Variants in CHST12 observed in about 807,000 individuals in gnomAD.
The protein encoded by CHST12 is carbohydrate sulfotransferase 12, also known as carbohydrate (chondroitin 4) sulfotransferase 12.
CHST12 carries 23 observed loss-of-function variants against 27.9 expected under a neutral mutation model. The ratio of observed to expected loss-of-function variants is 0.82; its 90% CI spans 0.59 to 1.17. The LOEUF (loss-of-function observed/expected upper bound fraction) is 1.17. CHST12 is among the 50% of genes most tolerant of loss of function. CHST12 has a pLI of 0.00. For synonymous variants in CHST12, 322 were observed against 273.0 expected (o/e 1.18, Z -1.77); for missense variants, 682 against 603.0 (o/e 1.13, Z -1.37).
chr7:2,422,699 C>A (rs1782010157), intron 1 of CHST12, among the ~76,000 whole-genome samples: 1 of 151,868 alleles, frequency 6.6e-6, no homozygotes, highest in Non-Finnish European at 1.5e-5. Context: ...CCACACCCAG[C>A]TAATTTTTGT....
At position 2,432,800 on chromosome 7, in the gene CHST12, C is replaced by G; in HGVS notation, c.161C>G (p.Pro54Arg). 6.2e-7 allele frequency: 1 copy of G among 1,613,744 alleles called. No individual in the cohort carries two copies. The highest frequency in any genetic ancestry group is 8.5e-7 in the Non-Finnish European group (1 of 1,179,830). ...HTGPPLPTPG[P>R]DRDRELTADS... ...GGGCCGCCGCTGCCCACGCCCGGGC[C>G]GGACAGGGACAGGGAGCTCACGGCC... The change falls in exon 2 of 2, where the codon CCG becomes CGG. Residue 54 changes from proline to arginine, a missense_variant. Coordinates refer to ENST00000618655, the MANE Select transcript of CHST12 (RefSeq NM_018641.5).
chr7:2,425,956 G>A (rs567498575), intron 1 of CHST12, among the ~76,000 whole-genome samples: 1 of 152,238 alleles, frequency 6.6e-6, no homozygotes, highest in African/African-American at 2.4e-5. Context: ...AGACGCTCTG[G>A]GGGAAGGGCC....
rs1782406454 is a variant in CHST12 at position 2,434,146 on chromosome 7, G to C, written c.*262G>C. 3.7e-6 allele frequency: 1 copy of C among 269,692 alleles called. No homozygotes were observed. Among genetic ancestry groups the C allele is most frequent in the African/African-American group, 3.2e-5 (1 of 31,714 alleles). The allele number at this position is 269,692 out of a possible 1,614,324, so 16.7% of individuals were successfully genotyped here. Reference sequence around the variant, plus strand: ...CCCGCTCGCCCGCTCGCCCGCTCCTGTGGTTTTTCTGAGCGTGCGGGCGCC... The same window carrying C: ...CCCGCTCGCCCGCTCGCCCGCTCCTCTGGTTTTTCTGAGCGTGCGGGCGCC... On this transcript the variant is annotated 3_prime_UTR_variant, in exon 2 of 2. Coordinates refer to ENST00000618655, the MANE Select transcript of CHST12 (RefSeq NM_018641.5).
At chr7:2,421,271 G>C (rs1393957572) in intron 1 of CHST12, among the ~76,000 whole-genome samples, 1 of 144,504 alleles carries the variant, frequency 6.9e-6, no homozygotes, top group African/African-American at 2.6e-5. Flanking sequence ...TGTAGAGAAG[G>C]GTCTTGGTAT....
At chr7:2,409,950 T>C (rs1781621398) in intron 1 of CHST12, among the ~76,000 whole-genome samples, 1 of 152,156 alleles carries the variant, frequency 6.6e-6, no homozygotes, top group Non-Finnish European at 1.5e-5. Flanking sequence ...CTGAGCACTT[T>C]TTTTTTTTTT....
chr7:2,419,968 C>CTTTTTTT (rs869252983), intron 1 of CHST12, among the ~76,000 whole-genome samples: 32 of 81,398 alleles, frequency 3.9e-4, no homozygotes, highest in East Asian at 4.5e-4. Context: ...AAATATTTGT[C>CTTTTTTT]TTTTTTTTTT....
rs1230096348 is a variant in CHST12, at chr7:2,438,554, TG to T, written c.*4671del. 2.0e-5 allele frequency: 3 copies of T among 152,242 alleles called. No homozygotes were observed. Among genetic ancestry groups the T allele is most frequent in the African/African-American group, 7.2e-5 (3 of 41,454 alleles). The allele number at this position is 152,242 out of a possible 1,614,324, so 9.4% of individuals were successfully genotyped here. ...ATGCCCATTATCCAGGGGTAATTTT[TG>T]CTCACTTATTTATAAGCCACACATC... On this transcript the variant is annotated 3_prime_UTR_variant, in exon 2 of 2. Coordinates refer to ENST00000618655, the MANE Select transcript of CHST12 (RefSeq NM_018641.5).
intron 1 of CHST12, among the ~76,000 whole-genome samples, chr7:2,408,312 A>G (rs1781574241): frequency 6.8e-6 from 1 of 146,278 alleles, no homozygotes; most frequent in South Asian, 2.2e-4. Context: ...CGGTAAGTGG[A>G]GATCATGCCA....
At chr7:2,432,532 G>C (rs562814984) in intron 1 of CHST12, 31 bp from the exon 2 acceptor site, 2 of 1,277,278 alleles carry the variant, frequency 1.6e-6, no homozygotes, top group South Asian at 2.9e-5. Context: ...GTGCACCTCA[G>C]TCATTAACTA....
intron 1 of CHST12, among the ~76,000 whole-genome samples, chr7:2,424,532 C>CCAG (rs1782056448): frequency 6.6e-6 from 1 of 152,112 alleles, no homozygotes; most frequent in African/African-American, 2.4e-5. Flanking sequence ...CGGAAGAAGT[C>CCAG]CAGGAGGGTC....
chr7:2,420,742 A>G (rs1248322069), intron 1 of CHST12, among the ~76,000 whole-genome samples: 1 of 152,124 alleles, frequency 6.6e-6, no homozygotes, highest in Admixed American at 6.6e-5. Flanking sequence ...GTTTGATGGC[A>G]CCACTGCACC....
intron 1 of CHST12, among the ~76,000 whole-genome samples, chr7:2,406,025 T>C (rs1781515454): frequency 6.6e-6 from 1 of 152,078 alleles, no homozygotes; most frequent in South Asian, 2.1e-4. Flanking sequence ...TCTCTTCTAG[T>C]GTGGGTCAGG....
At chr7:2,430,425 C>T (rs1448592002) in intron 1 of CHST12, among the ~76,000 whole-genome samples, 2 of 152,168 alleles carry the variant, frequency 1.3e-5, no homozygotes, top group East Asian at 1.9e-4. Context: ...AAGCGATTCT[C>T]CTGCCTCAGT....
rs556395587 is a variant in CHST12 at position 2,420,123 on chromosome 7, G to A, written c.-77-12440G>A. ...AGAGTAGCTGAGACTACAGGCGCCC[G>A]TCAGCATGCCCGGCTAATTTTTTGT... On this transcript the variant is annotated intron_variant, in intron 1 of 1. Transcript: ENST00000618655. 1.4e-3 allele frequency among the ~76,000 whole-genome samples: 219 copies of A among 151,818 alleles called. 1 individual carries two copies. Among genetic ancestry groups the A allele is most frequent in the African/African-American group, 5.1e-3 (212 of 41,388 alleles).
Position 2,440,238 on chromosome 7 carries a change from T to C in CHST12, c.*6354T>C. 6.5e-6 allele frequency: 1 copy of C among 154,370 alleles called. No individual in the cohort carries two copies. Among genetic ancestry groups the C allele is most frequent in the Middle Eastern group, 5.2e-4 (1 of 1,920 alleles). The allele number at this position is 154,370 out of a possible 1,614,324, so 9.6% of individuals were successfully genotyped here. A position where few individuals can be genotyped will look rare whatever the true frequency, so the allele number is the denominator to read the frequency against. On this transcript the variant is annotated 3_prime_UTR_variant, in exon 2 of 2. Coordinates refer to ENST00000618655, the MANE Select transcript of CHST12 (RefSeq NM_018641.5). The stretch of plus-strand genomic sequence containing the variant: ...CACTTGTCTGATGAGGATCTGTTGG[T>C]TGACTTTGACAGTGATAAACGAACA...
intron 1 of CHST12, among the ~76,000 whole-genome samples, chr7:2,416,807 G>C (rs1046839623): frequency 2.0e-5 from 3 of 152,166 alleles, no homozygotes; most frequent in Non-Finnish European, 4.4e-5. Context: ...ACATTTTTGT[G>C]AGGCTTTTAG....
At position 2,447,228 on chromosome 7, in the gene CHST12, T is replaced by C. The variant is rs80146221; in HGVS notation, c.*13344T>C. 17,003 of 152,216 alleles carry C rather than the reference T, an allele frequency of 0.11. 1,326 individuals carry two copies. The highest frequency in any genetic ancestry group is 0.15 in the Non-Finnish European group (10,309 of 68,012). The allele number at this position is 152,216 out of a possible 1,614,324, so 9.4% of individuals were successfully genotyped here. ...CGACCACTGAGGCTGGTGCTGCACTTTCTCAGGGAATTGAGTGTGGGCTCC... is the reference window on the plus strand; with the variant it reads ...CGACCACTGAGGCTGGTGCTGCACTCTCTCAGGGAATTGAGTGTGGGCTCC... On this transcript the variant is annotated 3_prime_UTR_variant, in exon 2 of 2. Coordinates refer to ENST00000618655, the MANE Select transcript of CHST12 (RefSeq NM_018641.5).
intron 1 of CHST12, among the ~76,000 whole-genome samples, chr7:2,410,283 C>T (rs1338989412): frequency 6.6e-6 from 1 of 152,208 alleles, no homozygotes; most frequent in Non-Finnish European, 1.5e-5. Flanking sequence ...AGAATACCCG[C>T]TGTGAGGCAG....
chr7:2,433,109 T>TG lies in CHST12; in HGVS notation c.471dup (p.Ile158AspfsTer237). 1.9e-6 allele frequency: 3 copies of TG among 1,612,602 alleles called. No individual in the cohort carries two copies. The highest frequency in any genetic ancestry group is 2.5e-6 in the Non-Finnish European group (3 of 1,179,480). On this transcript the variant is annotated frameshift_variant, in exon 2 of 2. Coordinates refer to ENST00000618655, the MANE Select transcript of CHST12 (RefSeq NM_018641.5). LOFTEE classifies it high-confidence loss of function. This position sits in a 1 kb window ranked among gnomAD's most constrained non-coding sequence, Gnocchi z 6.1. ...ATCCCCAACTCGGAGCTGAGCCACC[T>TG]GATCGTGGACGACCGGCACGGGGCC...
Sources: gnomAD v4.1 joint callset for allele counts (sites outside exome capture counted in the v4.1 genomes callset) on GRCh38, gnomAD v4.1.1 for gene constraint, Gnocchi (gnomAD v3.1) non-coding constraint, MANE v1.5 for transcripts, NCBI Gene and HGNC (gene_info 2026-07-23, HGNC 2026-07-21) for gene names.